TSC22D2: variants seen among roughly 807,000 people sequenced by gnomAD.
TSC22D2 encodes TSC22 domain family member 2.
Under a neutral mutation model 50.1 loss-of-function variants are expected in TSC22D2, and 5 were observed. The observed-to-expected ratio is 0.10, with a 90% CI of 0.05 to 0.21. The LOEUF is 0.21. Ranked by LOEUF, TSC22D2 falls within the 10% of genes least tolerant of loss-of-function variation. The pLI is 1.00. For synonymous variants in TSC22D2, 501 were observed against 450.1 expected, an observed-to-expected ratio of 1.11 and a Z score of -1.43; for missense variants, 1,003 against 1,015.5, an observed-to-expected ratio of 0.99 and a Z score of 0.17.
rs1721349541 is a variant in TSC22D2 at position 150,460,105 on chromosome 3, GCA to G, written c.*1470_*1471del. On this transcript the variant is annotated 3_prime_UTR_variant, in exon 3 of 3. Transcript: ENST00000688009. ...TTTTAACATTTTCTGAAATTAAACTGCAGTTTTGTTGAAATATTTGGCTCTAT... is the reference window on the plus strand; with the variant it reads ...TTTTAACATTTTCTGAAATTAAACTGGTTTTGTTGAAATATTTGGCTCTAT... 6.6e-6 allele frequency: 1 copy of G among 152,104 alleles called. No homozygotes were observed. Among genetic ancestry groups the G allele is most frequent in the Admixed American group, 6.6e-5 (1 of 15,262 alleles). The allele number at this position is 152,104 out of a possible 1,614,324, so 9.4% of individuals were successfully genotyped here.
intron 1 of TSC22D2, among the ~76,000 whole-genome samples, chr3:150,453,903 A>C (rs1421041626): frequency 1.3e-5 from 2 of 152,076 alleles, no homozygotes; most frequent in Non-Finnish European, 2.9e-5. Flanking sequence ...CAATACTCAA[A>C]GTAATCACTG....
chr3:150,421,639 TAATC>T (rs1401566614), intron 1 of TSC22D2, among the ~76,000 whole-genome samples: 2 of 152,206 alleles, frequency 1.3e-5, no homozygotes, highest in Non-Finnish European at 2.9e-5. Flanking sequence ...GTCTCCTAAT[TAATC>T]AAACAGTTAC....
chr3:150,422,074 C>T (rs1458498898), intron 1 of TSC22D2, among the ~76,000 whole-genome samples: 2 of 152,206 alleles, frequency 1.3e-5, no homozygotes, highest in African/African-American at 4.8e-5. Context: ...GGGCTGTTGT[C>T]AGAATTTAGT....
At chr3:150,455,414 CA>C (rs1721155944) in intron 1 of TSC22D2, among the ~76,000 whole-genome samples, 1 of 152,174 alleles carries the variant, frequency 6.6e-6, no homozygotes, top group Admixed American at 6.5e-5. Flanking sequence ...ATTAGATATA[CA>C]AAACCTCTTT....
rs756374884 is a variant in TSC22D2, at chr3:150,458,625, T to TC, written c.2262dup (p.Ser755LeufsTer7). 3.7e-6 allele frequency: 6 copies of TC among 1,614,034 alleles called. No homozygotes were observed. The highest frequency in any genetic ancestry group is 1.7e-4 in the Middle Eastern group (1 of 6,060). On this transcript the variant is annotated frameshift_variant, in exon 3 of 3. Transcript: ENST00000688009. LOFTEE classifies it high-confidence loss of function. ...GCAACCTCCACAGCAGCCGAATGTCTCCTCAGCATAAAGCTTTCTTAAGCC... is the reference window on the plus strand; with the variant it reads ...GCAACCTCCACAGCAGCCGAATGTCTCCCTCAGCATAAAGCTTTCTTAAGCC...
At position 150,461,783 on chromosome 3, in the gene TSC22D2, A is replaced by G. The variant is rs1359502864; in HGVS notation, c.*3147A>G. The G allele has an allele frequency of 6.6e-6, 1 of 152,124 alleles. No homozygotes were observed. The highest frequency in any genetic ancestry group is 1.5e-5 in the Non-Finnish European group (1 of 68,030). 9.4% of individuals were successfully genotyped at this position (152,124 alleles called of 1,614,324 possible). A position where few individuals can be genotyped will look rare whatever the true frequency, so the allele number is the denominator to read the frequency against. ...GGGGATCACAGCTGCCATTATTCACAAGAATTTTCACAGGTGAATGATTAT... is the reference window on the plus strand; with the variant it reads ...GGGGATCACAGCTGCCATTATTCACGAGAATTTTCACAGGTGAATGATTAT... On this transcript the variant is annotated 3_prime_UTR_variant, in exon 3 of 3. Transcript: ENST00000688009.
intron 1 of TSC22D2, among the ~76,000 whole-genome samples, chr3:150,412,430 CAT>C (rs1719625392): frequency 6.6e-6 from 1 of 152,118 alleles, no homozygotes; most frequent in African/African-American, 2.4e-5. Context: ...AATACAATGA[CAT>C]GTATGTTAAA....
chr3:150,411,212 C>T lies in TSC22D2; in HGVS notation c.1862C>T (p.Ala621Val), dbSNP rs781434255. 9.9e-6 allele frequency: 16 copies of T among 1,614,206 alleles called. No individual in the cohort carries two copies. Among genetic ancestry groups the T allele is most frequent in the Non-Finnish European group, 1.3e-5 (15 of 1,180,038 alleles). ...AAGCCTGTTGTGAAGCCGCCTGTTG[C>T]AGATTCCCTGGCAAACCCCCTTCAG... is the stretch of plus-strand genomic sequence containing the variant. Reference protein sequence around the residue: ...ENKPVVKPPVADSLANPLQLT... With the variant: ...ENKPVVKPPVVDSLANPLQLT... The change falls in exon 1 of 3, where the codon GCA (alanine) becomes GTA (valine). Residue 621 changes from alanine (A) to valine (V), a missense_variant. By Grantham distance (64) the Ala-to-Val change is moderately conservative (BLOSUM62 0). Coordinates refer to ENST00000688009, the MANE Select transcript of TSC22D2 (RefSeq NM_001303264.2).
Position 150,461,149 on chromosome 3 carries a change from A to G in TSC22D2, c.*2513A>G, listed in dbSNP as rs901799179. The G allele has an allele frequency of 7.9e-5, 12 of 152,186 alleles. No individual in the cohort carries two copies. Among genetic ancestry groups the G allele is most frequent in the Non-Finnish European group, 1.6e-4 (11 of 68,032 alleles). 9.4% of individuals were successfully genotyped at this position (152,186 alleles called of 1,614,324 possible). Reference sequence around the variant, plus strand: ...GTATGTATCTAGAGCCTTAAATAATAAGCTTTCCAGTGTAACGACAGGAGA... The same window carrying G: ...GTATGTATCTAGAGCCTTAAATAATGAGCTTTCCAGTGTAACGACAGGAGA... On this transcript the variant is annotated 3_prime_UTR_variant, in exon 3 of 3. Coordinates refer to ENST00000688009, the MANE Select transcript of TSC22D2 (RefSeq NM_001303264.2).
intron 1 of TSC22D2, among the ~76,000 whole-genome samples, chr3:150,435,451 GGTT>G (rs1222013603): frequency 6.6e-6 from 1 of 152,006 alleles, no homozygotes; most frequent in Non-Finnish European, 1.5e-5. Flanking sequence ...GGACATAAAG[GGTT>G]GCCCTGTTTC....
At chr3:150,443,229 A>G (rs1018168499) in intron 1 of TSC22D2, among the ~76,000 whole-genome samples, 2 of 152,164 alleles carry the variant, frequency 1.3e-5, no homozygotes, top group African/African-American at 4.8e-5. Context: ...TTTCTGTAAA[A>G]TAGGGAATCT....
chr3:150,451,171 T>C (rs1357340723), intron 1 of TSC22D2, among the ~76,000 whole-genome samples: 1 of 152,218 alleles, frequency 6.6e-6, no homozygotes, highest in Non-Finnish European at 1.5e-5. Context: ...GCATTTATAG[T>C]TGTGATTGTA....
At chr3:150,424,471 A>G (rs1720111587) in intron 1 of TSC22D2, among the ~76,000 whole-genome samples, 3 of 152,254 alleles carry the variant, frequency 2.0e-5, no homozygotes, top group East Asian at 1.9e-4. Flanking sequence ...TGAATGATAT[A>G]TATTATTTTT....
At chr3:150,455,264 A>G (rs1464548644) in intron 1 of TSC22D2, among the ~76,000 whole-genome samples, 1 of 152,178 alleles carries the variant, frequency 6.6e-6, no homozygotes, top group Non-Finnish European at 1.5e-5. Context: ...GCACTGAAGT[A>G]TATACTAAAG....
At position 150,464,272 on chromosome 3, in the gene TSC22D2, C is replaced by G. The variant is rs992425272; in HGVS notation, c.*5636C>G. The G allele has an allele frequency of 6.6e-6, 1 of 151,890 alleles. No homozygotes were observed. Among genetic ancestry groups the G allele is most frequent in the Non-Finnish European group, 1.5e-5 (1 of 67,980 alleles). 9.4% of individuals were successfully genotyped at this position (151,890 alleles called of 1,614,324 possible). ...GTATCTATAGATAGGTCATATCATA[C>G]CTGAGGAAGATCAGAGACAGCAAGG... On this transcript the variant is annotated 3_prime_UTR_variant, in exon 3 of 3. Coordinates refer to ENST00000688009, the MANE Select transcript of TSC22D2 (RefSeq NM_001303264.2).
At position 150,459,572 on chromosome 3, in the gene TSC22D2, G is replaced by GTTTTTTTTTTTTTTTTT. The variant is rs11330414; in HGVS notation, c.*949_*950insTTTTTTTTTTTTTTTTT. ...TAATGGAGTTTGGTTTTTTTTTGTT[G>GTTTTTTTTTTTTTTTTT]TTTTTTTTTTTTTGTCTTTTTTTTT... On this transcript the variant is annotated 3_prime_UTR_variant, in exon 3 of 3. Transcript: ENST00000688009. 1.7e-5 allele frequency: 2 copies of GTTTTTTTTTTTTTTTTT among 115,532 alleles called. No homozygotes were observed. Among genetic ancestry groups the GTTTTTTTTTTTTTTTTT allele is most frequent in the African/African-American group, 3.3e-5 (1 of 30,702 alleles). The allele number at this position is 115,532 out of a possible 1,614,324, so 7.2% of individuals were successfully genotyped here. A position where few individuals can be genotyped will look rare whatever the true frequency, so the allele number is the denominator to read the frequency against.
In TSC22D2 at chr3:150,458,861, A is replaced by T. The variant is rs1721280791; in HGVS notation, c.*225A>T. ...CATCAGTACACAAGGAGAATAATAG[A>T]TGGGGTTTATTAAAGCGAGCAAAGT... On this transcript the variant is annotated 3_prime_UTR_variant, in exon 3 of 3. Transcript: ENST00000688009. 2.0e-6 allele frequency: 1 copy of T among 506,410 alleles called. No homozygotes were observed. The highest frequency in any genetic ancestry group is 1.9e-5 in the African/African-American group (1 of 52,060). The allele number at this position is 506,410 out of a possible 1,614,324, so 31.4% of individuals were successfully genotyped here.
chr3:150,434,267 C>T (rs891409240), intron 1 of TSC22D2, among the ~76,000 whole-genome samples: 4 of 151,514 alleles, frequency 2.6e-5, no homozygotes, highest in African/African-American at 9.7e-5. Flanking sequence ...TCTTGCCTCC[C>T]GAGTAGCTGG....
intron 1 of TSC22D2, among the ~76,000 whole-genome samples, chr3:150,417,671 A>G (rs545600771): frequency 6.6e-6 from 1 of 152,244 alleles, no homozygotes; most frequent in East Asian, 1.9e-4. Context: ...TAATTTGAAC[A>G]GTCTGTAACA....
Sources: allele counts gnomAD v4.1 joint callset (sites outside exome capture counted in the v4.1 genomes callset), GRCh38; gene constraint gnomAD v4.1.1; transcripts MANE v1.5; gene names NCBI Gene and HGNC (gene_info 2026-07-23, HGNC 2026-07-21).